The following VCAN variants were observed in gnomAD, a reference collection of about 807,000 sequenced individuals.
The protein encoded by VCAN is versican core protein.
In VCAN, 44 loss-of-function variants were observed where a neutral mutation model predicts 245.5. That is an observed-to-expected ratio of 0.18 (90% CI 0.14 to 0.23). The LOEUF (loss-of-function observed/expected upper bound fraction) is 0.23, where lower values mean the gene tolerates loss of function less well. Among genes scored for constraint, VCAN ranks in the 10% least tolerant of loss-of-function variants. The pLI is 1.00. For missense variants in VCAN, 3,793 were observed against 4,057.9 expected (o/e 0.93, Z 1.77); for synonymous variants, 1,413 against 1,437.0 (o/e 0.98, Z 0.38).
rs558159180 is a variant in VCAN at position 83,579,327 on chromosome 5, A to C, written c.9881-653A>C. Among the ~76,000 whole-genome samples the C allele has an allele frequency of 3.3e-5, 5 of 152,178 alleles. No individual in the cohort carries two copies. The East Asian group carries it at 9.7e-4, about 29-fold the overall frequency. On this transcript the variant is annotated intron_variant, in intron 13 of 14. Transcript: ENST00000265077. ...TCACGAGGCTGGAGTGCAGTGGTGC[A>C]ATCTCGGCTCACTGCAACCTCCGCC...
At chr5:83,545,221 C>G (rs1345845950) in intron 8 of VCAN, among the ~76,000 whole-genome samples, 1 of 152,138 alleles carries the variant, frequency 6.6e-6, no homozygotes, top group Non-Finnish European at 1.5e-5. Context: ...TCATTTTTGA[C>G]TAAAATCAAT....
intron 13 of VCAN, among the ~76,000 whole-genome samples, chr5:83,577,286 T>C (rs1748521635): frequency 6.6e-6 from 1 of 152,164 alleles, no homozygotes; most frequent in South Asian, 2.1e-4. Context: ...TACTGATTAA[T>C]ATGTAGCCTA....
rs113887603 is a variant in VCAN at position 83,519,705 on chromosome 5, T to A, written c.1399T>A (p.Ser467Thr). The stretch of plus-strand genomic sequence containing the variant: ...AGTGCTCCAGAGTACAACTGGCGTC[T>A]CTCATTATGCTACGGATTCATGGGA... ...EEVLQSTTGV[S>T]HYATDSWDGV... Residue 467 changes from serine (S) to threonine (T), a missense_variant, in exon 7 of 15, where the codon TCT becomes ACT. Physicochemically the swap from Ser to Thr is moderately conservative, Grantham distance 58 (BLOSUM62 1). Coordinates refer to ENST00000265077, the MANE Select transcript of VCAN (RefSeq NM_004385.5). 31 of 1,614,164 alleles carry A rather than the reference T, an allele frequency of 1.9e-5. No individual in the cohort carries two copies. The South Asian group carries it at 3.1e-4, about 16-fold the overall frequency.
chr5:83,505,868 C>T (rs1745466868), intron 5 of VCAN, among the ~76,000 whole-genome samples: 1 of 152,218 alleles, frequency 6.6e-6, no homozygotes, highest in South Asian at 2.1e-4. Flanking sequence ...AACCTCAGTT[C>T]TTGACTTCTG....
chr5:83,484,220 TCACA>T (rs1441162190), intron 2 of VCAN, among the ~76,000 whole-genome samples: 1 of 152,200 alleles, frequency 6.6e-6, no homozygotes, highest in Non-Finnish European at 1.5e-5. Flanking sequence ...CATTTCTTCC[TCACA>T]CTTATATTAT....
At chr5:83,575,764 A>C (rs1748449722) in intron 13 of VCAN, among the ~76,000 whole-genome samples, 1 of 152,174 alleles carries the variant, frequency 6.6e-6, no homozygotes, top group African/African-American at 2.4e-5. Flanking sequence ...CACGTTGAGA[A>C]CCACTGCCCT....
rs1745983780 is a variant in VCAN, at chr5:83,519,411, A to G, written c.1105A>G (p.Lys369Glu). 5 of 1,614,144 alleles carry G rather than the reference A, an allele frequency of 3.1e-6. No individual in the cohort carries two copies. In the East Asian group the frequency reaches 1.1e-4, roughly 36 times the overall value. The change falls in exon 7 of 15, where the codon AAA becomes GAA. Residue 369 changes from lysine (K) to glutamate (E), a missense_variant. Around this residue, in one of 5 missense-constraint regions of VCAN, gnomAD observed 3,182 missense variants for 3,250.3 expected, o/e 0.98. Transcript: ENST00000265077. ...LAETASPSLSKEPQMVSDRTT... is the reference protein window; with the variant it reads ...LAETASPSLSEEPQMVSDRTT... The stretch of plus-strand genomic sequence containing the variant: ...AGAAACTGCATCACCCAGTTTATCC[A>G]AAGAACCACAAATGGTTTCTGATAG...
At chr5:83,544,448 C>A (rs1222552145) in intron 8 of VCAN, among the ~76,000 whole-genome samples, 1 of 152,146 alleles carries the variant, frequency 6.6e-6, no homozygotes. Context: ...TATAGCAGTA[C>A]CTTGTTTATC....
intron 12 of VCAN, among the ~76,000 whole-genome samples, chr5:83,565,390 GGTGTGTGTGTGT>G (rs6149088): frequency 0.16 from 24,092 of 149,188 alleles, 2,520 homozygotes; most frequent in South Asian, 0.42. Context: ...TATGTGTAAG[GGTGTGTGTGTGT>G]GTGTGTGTGT....
chr5:83,558,353 T>C (rs1483424855), intron 12 of VCAN, among the ~76,000 whole-genome samples: 1 of 152,182 alleles, frequency 6.6e-6, no homozygotes, highest in Admixed American at 6.6e-5. Context: ...GGTGTTAACT[T>C]GACTGTGTGC....
chr5:83,519,504 A>G lies in VCAN; in HGVS notation c.1198A>G (p.Asn400Asp), dbSNP rs773725360. 2 of 1,614,136 alleles carry G rather than the reference A, an allele frequency of 1.2e-6. No homozygotes were observed. The highest frequency in any genetic ancestry group is 1.7e-6 in the Non-Finnish European group (2 of 1,179,964). ...VIPTEFPPVG[N>D]IVSFEQKATV... ...TCCAACAGAGTTCCCTCCCGTGGGA[A>G]ATATTGTCAGTTTTGAACAGAAAGC... The change falls in exon 7 of 15, where the codon AAT (asparagine) becomes GAT (aspartate). Residue 400 changes from asparagine (N) to aspartate (D), a missense_variant. By Grantham distance (23) the Asn-to-Asp change is conservative. Coordinates refer to ENST00000265077, the MANE Select transcript of VCAN (RefSeq NM_004385.5).
intron 2 of VCAN, among the ~76,000 whole-genome samples, chr5:83,484,025 T>G (rs535618032): frequency 6.6e-6 from 1 of 152,318 alleles, no homozygotes; most frequent in South Asian, 2.1e-4. Flanking sequence ...TTTTCTTTTT[T>G]AAAAAAGCAG....
intron 12 of VCAN, among the ~76,000 whole-genome samples, chr5:83,563,399 C>T (rs570326232): frequency 1.3e-5 from 2 of 152,230 alleles, no homozygotes; most frequent in Admixed American, 6.5e-5. Context: ...ATTGTGTACA[C>T]CAGCCATCTA....
chr5:83,513,232 C>T (rs910134904), intron 6 of VCAN, among the ~76,000 whole-genome samples: 1 of 152,142 alleles, frequency 6.6e-6, no homozygotes, highest in African/African-American at 2.4e-5. Flanking sequence ...GCTAGCTAAA[C>T]AAAGATCTCC....
chr5:83,544,350 T>C (rs1035281451), intron 8 of VCAN, among the ~76,000 whole-genome samples: 3 of 152,250 alleles, frequency 2.0e-5, no homozygotes, highest in East Asian at 3.8e-4. Flanking sequence ...AATGTGTACC[T>C]ATCCAGGTTT....
intron 1 of VCAN, among the ~76,000 whole-genome samples, chr5:83,481,306 C>T (rs1744607099): frequency 6.7e-6 from 1 of 149,638 alleles, no homozygotes; most frequent in African/African-American, 2.5e-5. Flanking sequence ...TCTCAGCTCA[C>T]TGCAACCTCC....
In VCAN at chr5:83,564,303, A is replaced by C. The variant is rs569818476; in HGVS notation, c.9736-8113A>C. ...GTTAATTCATAATGTAAGAATGGAT[A>C]TATATCACCACCTAGTGGTCGTATT... is the stretch of plus-strand genomic sequence containing the variant. On this transcript the variant is annotated intron_variant, in intron 12 of 14. Transcript: ENST00000265077. Among the ~76,000 whole-genome samples, 3 of 152,264 alleles carry C rather than the reference A, an allele frequency of 2.0e-5. No homozygotes were observed. The South Asian group carries it at 6.2e-4, about 32-fold the overall frequency.
Position 83,580,628 on chromosome 5 carries a change from A to C in VCAN, c.*194A>C, listed in dbSNP as rs1412947415. 3.8e-6 allele frequency: 3 copies of C among 782,802 alleles called. No homozygotes were observed. Among genetic ancestry groups the C allele is most frequent in the African/African-American group, 3.5e-5 (2 of 57,192 alleles). 48.5% of individuals were successfully genotyped at this position (782,802 alleles called of 1,614,324 possible). A position where few individuals can be genotyped will look rare whatever the true frequency, so the allele number is the denominator to read the frequency against. ...ATTCAAAAAGACAGCAGACAAAATG[A>C]AAGAAAATGAGAGCAGAAAGTAAGC... is the stretch of plus-strand genomic sequence containing the variant. On this transcript the variant is annotated 3_prime_UTR_variant, in exon 15 of 15. Coordinates refer to ENST00000265077, the MANE Select transcript of VCAN (RefSeq NM_004385.5).
rs868048106 is a variant in VCAN, at chr5:83,520,764, C to A, written c.2458C>A (p.Pro820Thr). Reference sequence around the variant, plus strand: ...ATCCAAGCCTTTAGAGTCTACAGAACCTTCAGCCTCTTCAAAATTGCCCCC... The same window carrying A: ...ATCCAAGCCTTTAGAGTCTACAGAAACTTCAGCCTCTTCAAAATTGCCCCC... ...TTSKPLESTE[P>T]SASSKLPPAL... is the part of the protein sequence containing the mutation. Residue 820 changes from proline (P) to threonine (T), a missense_variant, in exon 7 of 15, where the codon CCT becomes ACT. Pro to Thr is a conservative substitution (Grantham distance 38, BLOSUM62 -1). Coordinates refer to ENST00000265077, the MANE Select transcript of VCAN (RefSeq NM_004385.5). The A allele has an allele frequency of 8.1e-6, 13 of 1,613,996 alleles. No homozygotes were observed. The highest frequency in any genetic ancestry group is 6.7e-5 in the African/African-American group (5 of 74,930).
Sources: allele counts gnomAD v4.1 joint callset (sites outside exome capture counted in the v4.1 genomes callset), GRCh38; gene constraint gnomAD v4.1.1; regional missense constraint gnomAD v4.1.1; transcripts MANE v1.5; gene names NCBI Gene and HGNC (gene_info 2026-07-23, HGNC 2026-07-21).